RTN4: variants seen among roughly 807,000 people sequenced by gnomAD.
RTN4 encodes the protein reticulon-4.
A neutral mutation model predicts 90.4 loss-of-function variants in RTN4; 32 were observed. The ratio of observed to expected loss-of-function variants is 0.35; its 90% confidence interval spans 0.27 to 0.48. The LOEUF is 0.48. RTN4 is among the 20% of genes least tolerant of loss of function. The probability of loss-of-function intolerance (pLI) is 0.99; values close to 1 mark genes in which losing one functional copy is unlikely to be tolerated. For synonymous variants in RTN4, 629 were observed against 552.5 expected (o/e 1.14, Z -1.94); for missense variants, 1,706 against 1,430.2 (o/e 1.19, Z -3.11).
At chr2:54,990,994 G>C (rs1678971855) in intron 3 of RTN4, among the ~76,000 whole-genome samples, 1 of 152,076 alleles carries the variant, frequency 6.6e-6, no homozygotes, top group South Asian at 2.1e-4. Context: ...GTGTTAGGAA[G>C]GATGGTCTCG....
chr2:55,095,060 A>C (rs1291603624), intron 1 of RTN4, among the ~76,000 whole-genome samples: 2 of 152,148 alleles, frequency 1.3e-5, no homozygotes, highest in African/African-American at 2.4e-5. Context: ...GCGGTGGCTC[A>C]CACCTGTAAT....
intron 1 of RTN4, among the ~76,000 whole-genome samples, chr2:55,103,589 G>GT: frequency 6.6e-6 from 1 of 152,048 alleles, no homozygotes; most frequent in South Asian, 2.1e-4. Flanking sequence ...GGTTTTATGG[G>GT]TATATACTTA....
At chr2:55,004,590 T>C (rs1202120625) in intron 3 of RTN4, among the ~76,000 whole-genome samples, 1 of 152,190 alleles carries the variant, frequency 6.6e-6, no homozygotes, top group East Asian at 1.9e-4. Context: ...CTTTTTCTAA[T>C]TGCTCCCACT....
chr2:55,075,746 T>C (rs982708263), intron 2 of RTN4, among the ~76,000 whole-genome samples: 1 of 152,138 alleles, frequency 6.6e-6, no homozygotes, highest in Non-Finnish European at 1.5e-5. Context: ...AATAGGCACA[T>C]AGACCAATGG....
chr2:55,083,329 C>A (rs1297042740), intron 1 of RTN4, among the ~76,000 whole-genome samples: 2 of 152,192 alleles, frequency 1.3e-5, no homozygotes, highest in Admixed American at 6.5e-5. Flanking sequence ...AACCCCGTCT[C>A]TACTAAAAAT....
chr2:55,030,823 A>T (rs941005795), intron 1 of RTN4, among the ~76,000 whole-genome samples: 1 of 152,208 alleles, frequency 6.6e-6, no homozygotes, highest in Non-Finnish European at 1.5e-5. Context: ...TTCTTACTGT[A>T]TCAGCCCCTC....
chr2:55,089,058 G>A (rs538750896), intron 1 of RTN4, among the ~76,000 whole-genome samples: 4 of 152,064 alleles, frequency 2.6e-5, no homozygotes, highest in Non-Finnish European at 5.9e-5. Flanking sequence ...TCAGCCTCCC[G>A]AGTAGCTGGG....
At chr2:55,051,171 A>G (rs992920310), upstream of RTN4, among the ~76,000 whole-genome samples, 1 of 152,222 alleles carries the variant, frequency 6.6e-6, no homozygotes, top group Non-Finnish European at 1.5e-5. Flanking sequence ...GCTGTGCTGA[A>G]TTAACTAGGG....
intron 5 of RTN4, among the ~76,000 whole-genome samples, chr2:54,977,666 G>A (rs181980113): frequency 1.6e-4 from 24 of 152,202 alleles, no homozygotes; most frequent in African/African-American, 5.8e-4. Context: ...CATAATTGCG[G>A]GTGGGAAGCG....
Position 55,025,143 on chromosome 2 carries a change from C to G in RTN4, c.2956G>C (p.Glu986Gln), listed in dbSNP as rs752232361. The stretch of plus-strand genomic sequence containing the variant: ...GCAGATGGTGATCTGTCCTCTTTTT[C>G]TGTATCGGAAGGAAGTTTTTTCTCA... ...EAEKKLPSDT[E>Q]KEDRSPSAIF... The change falls in exon 3 of 9, where the codon GAA becomes CAA. Residue 986 changes from glutamate to glutamine, a missense_variant. Physicochemically the swap from Glu to Gln is conservative, Grantham distance 29 (BLOSUM62 2). Coordinates refer to ENST00000337526, the MANE Select transcript of RTN4 (RefSeq NM_020532.5). The G allele has an allele frequency of 6.2e-7, 1 of 1,613,138 alleles. No individual in the cohort carries two copies. The highest frequency in any genetic ancestry group is 2.2e-5 in the East Asian group (1 of 44,870).
chr2:55,009,581 CAT>C, intron 3 of RTN4, among the ~76,000 whole-genome samples: 1 of 152,172 alleles, frequency 6.6e-6, no homozygotes, highest in East Asian at 1.9e-4. Flanking sequence ...TCAAGATGCA[CAT>C]AATCTGATTA....
intron 2 of RTN4, among the ~76,000 whole-genome samples, chr2:55,060,090 G>A (rs935599538): frequency 3.3e-5 from 5 of 152,124 alleles, no homozygotes; most frequent in African/African-American, 1.2e-4. Context: ...TCTTCCCACA[G>A]CAGTAGTAGG....
chr2:55,096,260 AG>A (rs1303039022), intron 1 of RTN4, among the ~76,000 whole-genome samples: 1 of 151,918 alleles, frequency 6.6e-6, no homozygotes, highest in Non-Finnish European at 1.5e-5. Context: ...CGGGAGGCGG[AG>A]GTTGCTGTGA....
chr2:55,091,010 C>A (rs1350129870), intron 1 of RTN4, among the ~76,000 whole-genome samples: 1 of 152,164 alleles, frequency 6.6e-6, no homozygotes, highest in African/African-American at 2.4e-5. Context: ...TGATTCCACC[C>A]AAGAAGTCTC....
At chr2:54,987,401 G>T in intron 4 of RTN4, 90 bp downstream of exon 4, 1 of 963,270 alleles carries the variant, frequency 1.0e-6, no homozygotes, top group Non-Finnish European at 1.7e-6. Context: ...AAAAATGCAT[G>T]CTTGTAACTC....
chr2:54,995,853 T>C (rs778886385), intron 3 of RTN4, among the ~76,000 whole-genome samples: 1 of 151,980 alleles, frequency 6.6e-6, no homozygotes, highest in South Asian at 2.1e-4. Context: ...ACAAATCCCA[T>C]ACAGACAGTG....
upstream of RTN4, among the ~76,000 whole-genome samples, chr2:55,115,445 C>T (rs890902373): frequency 6.6e-6 from 1 of 152,164 alleles, no homozygotes; most frequent in Non-Finnish European, 1.5e-5. Context: ...TTACACTGGG[C>T]CCATCTATAT....
At chr2:55,081,575 G>C (rs1668718421) in intron 1 of RTN4, among the ~76,000 whole-genome samples, 1 of 152,072 alleles carries the variant, frequency 6.6e-6, no homozygotes, top group Non-Finnish European at 1.5e-5. Context: ...TAAAAAAAGA[G>C]ATATCCAGCC....
intron 3 of RTN4, among the ~76,000 whole-genome samples, chr2:55,013,976 T>C (rs1234628322): frequency 3.3e-5 from 5 of 152,184 alleles, no homozygotes; most frequent in Admixed American, 3.3e-4. Context: ...AATAGGCATG[T>C]TTTTTAAAAA....
Sources: gnomAD v4.1 joint callset for allele counts (sites outside exome capture counted in the v4.1 genomes callset) on GRCh38, gnomAD v4.1.1 for gene constraint, MANE v1.5 for transcripts, NCBI Gene and HGNC (gene_info 2026-07-23, HGNC 2026-07-21) for gene names.